MACROD2: variants seen among roughly 807,000 people sequenced by gnomAD.
MACROD2 encodes mono-ADP ribosylhydrolase 2.
Under a neutral mutation model 70.4 loss-of-function variants are expected in MACROD2, and 36 were observed. That is an observed-to-expected ratio of 0.51 (90% CI 0.39 to 0.68). The LOEUF (loss-of-function observed/expected upper bound fraction) is 0.68. Ranked by LOEUF, MACROD2 falls within the 30% of genes least tolerant of loss-of-function variation. The pLI, the probability that MACROD2 is intolerant of heterozygous loss-of-function variation, is 0.00. For missense variants in MACROD2, 496 were observed against 538.4 expected, an observed-to-expected ratio of 0.92 and a Z score of 0.78; for synonymous variants, 172 against 178.8, an observed-to-expected ratio of 0.96 and a Z score of 0.30.
intron 4 of MACROD2, among the ~76,000 whole-genome samples, chr20:14,644,458 A>G (rs1467499345): frequency 2.0e-5 from 3 of 152,198 alleles, no homozygotes; most frequent in Admixed American, 1.3e-4. Context: ...AAATGGTTTT[A>G]TAATTTAGCA....
At chr20:14,288,241 C>T (rs79465388) in intron 3 of MACROD2, among the ~76,000 whole-genome samples, 2,283 of 152,038 alleles carry the variant, frequency 0.015, 24 homozygotes, top group African/African-American at 0.027. Flanking sequence ...AATATATGGT[C>T]ACCTGGAATA....
intron 7 of MACROD2, among the ~76,000 whole-genome samples, chr20:15,498,676 G>A (rs1223025581): frequency 6.6e-6 from 1 of 152,162 alleles, no homozygotes; most frequent in Non-Finnish European, 1.5e-5. Context: ...TGACAGATTG[G>A]GGAGTGACCG....
At chr20:14,610,827 A>AT (rs1404021999) in intron 4 of MACROD2, among the ~76,000 whole-genome samples, 1 of 152,032 alleles carries the variant, frequency 6.6e-6, no homozygotes, top group Admixed American at 6.6e-5. Context: ...AATGTAAGGT[A>AT]TTTTTATTAT....
At chr20:14,657,423 G>A (rs948959488) in intron 4 of MACROD2, among the ~76,000 whole-genome samples, 1 of 152,144 alleles carries the variant, frequency 6.6e-6, no homozygotes, top group African/African-American at 2.4e-5. Flanking sequence ...TTTCTGTTTG[G>A]GTTTGGCAGA....
At chr20:14,619,780 A>G (rs1983724535) in intron 4 of MACROD2, among the ~76,000 whole-genome samples, 1 of 152,098 alleles carries the variant, frequency 6.6e-6, no homozygotes, top group Non-Finnish European at 1.5e-5. Context: ...GCAATAACAA[A>G]CAACTGCAGA....
intron 10 of MACROD2, among the ~76,000 whole-genome samples, chr20:15,927,197 A>G (rs1055068870): frequency 1.3e-5 from 2 of 152,308 alleles, no homozygotes; most frequent in Admixed American, 1.3e-4. Flanking sequence ...GAGAACTGAA[A>G]TACGATTCAA....
At chr20:15,382,898 A>T (rs2045662748) in intron 6 of MACROD2, among the ~76,000 whole-genome samples, 1 of 152,184 alleles carries the variant, frequency 6.6e-6, no homozygotes, top group African/African-American at 2.4e-5. Flanking sequence ...AGACTGAGGG[A>T]AAAGAAGAAA....
intron 4 of MACROD2, among the ~76,000 whole-genome samples, chr20:14,569,116 T>C (rs1260743937): frequency 6.6e-6 from 1 of 152,094 alleles, no homozygotes; most frequent in Non-Finnish European, 1.5e-5. Context: ...GCAATCTTTT[T>C]CTGTCCTTTG....
intron 5 of MACROD2, among the ~76,000 whole-genome samples, chr20:15,099,599 G>A (rs1041956638): frequency 1.3e-5 from 2 of 152,114 alleles, no homozygotes; most frequent in Non-Finnish European, 2.9e-5. Flanking sequence ...AGCCTGAGCC[G>A]ACTGAGACAA....
At chr20:15,754,095 GTATAAA>G (rs2051311718) in intron 8 of MACROD2, among the ~76,000 whole-genome samples, 1 of 152,136 alleles carries the variant, frequency 6.6e-6, no homozygotes, top group Non-Finnish European at 1.5e-5. Flanking sequence ...ATAATGAATG[GTATAAA>G]TCAAATTACT....
At chr20:15,035,339 G>T (rs1371980219) in intron 5 of MACROD2, among the ~76,000 whole-genome samples, 2 of 152,140 alleles carry the variant, frequency 1.3e-5, no homozygotes, top group African/African-American at 4.8e-5. Context: ...GGGAGGTCAA[G>T]GTTGCAGTGA....
intron 5 of MACROD2, among the ~76,000 whole-genome samples, chr20:14,830,905 A>G (rs1409509427): frequency 6.6e-6 from 1 of 152,130 alleles, no homozygotes; most frequent in Non-Finnish European, 1.5e-5. Flanking sequence ...TGAGTCTTAA[A>G]TTTATCCTTA....
intron 7 of MACROD2, among the ~76,000 whole-genome samples, chr20:15,477,469 A>G (rs1046112165): frequency 6.6e-6 from 1 of 151,942 alleles, no homozygotes; most frequent in Non-Finnish European, 1.5e-5. Flanking sequence ...CTGTTATATT[A>G]TTTTTAAAAT....
intron 8 of MACROD2, among the ~76,000 whole-genome samples, chr20:15,696,665 G>A (rs899842973): frequency 7.2e-6 from 1 of 139,168 alleles, no homozygotes; most frequent in Non-Finnish European, 1.5e-5. Flanking sequence ...CTGTGAATCT[G>A]TCTAGTCCTG....
chr20:14,073,733 A>G (rs953751156), intron 2 of MACROD2, among the ~76,000 whole-genome samples: 1 of 152,236 alleles, frequency 6.6e-6, no homozygotes, highest in African/African-American at 2.4e-5. Flanking sequence ...TGTATTATAA[A>G]CAATTATAAA....
chr20:15,287,925 T>C (rs1026282295), intron 6 of MACROD2, among the ~76,000 whole-genome samples: 7 of 152,236 alleles, frequency 4.6e-5, no homozygotes, highest in African/African-American at 1.7e-4. Flanking sequence ...ACTCAAGATT[T>C]TATTGTAGGG....
At chr20:15,754,725 T>A (rs1446938251) in intron 8 of MACROD2, among the ~76,000 whole-genome samples, 2 of 147,348 alleles carry the variant, frequency 1.4e-5, no homozygotes, top group Non-Finnish European at 1.5e-5. Flanking sequence ...ACAGAACCCA[T>A]CTCAGTGGCA....
intron 4 of MACROD2, among the ~76,000 whole-genome samples, chr20:14,663,517 T>TACAC (rs748542968): frequency 1.3e-4 from 15 of 114,036 alleles, no homozygotes; most frequent in Middle Eastern, 4.1e-3. Flanking sequence ...AACAGGGATG[T>TACAC]ATACACACAC....
intron 6 of MACROD2, among the ~76,000 whole-genome samples, chr20:15,336,299 A>G (rs2078047256): frequency 6.6e-6 from 1 of 151,056 alleles, no homozygotes; most frequent in Non-Finnish European, 1.5e-5. Context: ...GATTGATGGT[A>G]TGATTAGAAG....
Sources: gnomAD v4.1 joint callset for allele counts (sites outside exome capture counted in the v4.1 genomes callset) on GRCh38, gnomAD v4.1.1 for gene constraint, MANE v1.5 for transcripts, NCBI Gene and HGNC (gene_info 2026-07-23, HGNC 2026-07-21) for gene names.